The following ITGB8 variants were observed in gnomAD, a reference collection of about 807,000 sequenced individuals.
ITGB8 encodes integrin subunit beta 8.
In ITGB8, 30 loss-of-function variants were observed where a neutral mutation model predicts 89.5. That is an observed-to-expected ratio of 0.34 (90% CI 0.25 to 0.45). The LOEUF (loss-of-function observed/expected upper bound fraction) is 0.45. Among genes scored for constraint, ITGB8 ranks in the 20% least tolerant of loss-of-function variants. The pLI is 1.00. For synonymous variants in ITGB8, 335 were observed against 320.4 expected (o/e 1.05, Z -0.49); for missense variants, 836 against 933.3 (o/e 0.90, Z 1.36).
At chr7:20,407,558 A>T (rs932126847) in intron 12 of ITGB8, among the ~76,000 whole-genome samples, 1 of 152,164 alleles carries the variant, frequency 6.6e-6, no homozygotes, top group East Asian at 1.9e-4. Context: ...ACAAAAGAGT[A>T]AACTTTCTCC....
In ITGB8 at chr7:20,346,687, T is replaced by C. The variant is rs960959523; in HGVS notation, c.127+14754T>C. On this transcript the variant is annotated intron_variant, in intron 1 of 13. Transcript: ENST00000222573. ...TTCCTGCCAAAAGCAACGTGGACTT[T>C]CTCTGGGTGTCTTAAGACACTCTTG... is the stretch of plus-strand genomic sequence containing the variant. 8 of 985,284 alleles carry C rather than the reference T, an allele frequency of 8.1e-6. No individual in the cohort carries two copies. The African/African-American group carries it at 1.4e-4, about 17-fold the overall frequency. 61.0% of individuals were successfully genotyped at this position (985,284 alleles called of 1,614,324 possible). A position where few individuals can be genotyped will look rare whatever the true frequency, so the allele number is the denominator to read the frequency against.
At position 20,413,289 on chromosome 7, in the gene ITGB8, T is replaced by C. The variant is rs1787827132; in HGVS notation, c.*3292T>C. ...ACAGTAGATATCTCTGGAGGCAATT[T>C]TCCAAAACTCAACATTAAAATTTGT... is the stretch of plus-strand genomic sequence containing the variant. On this transcript the variant is annotated 3_prime_UTR_variant, in exon 14 of 14. Coordinates refer to ENST00000222573, the MANE Select transcript of ITGB8 (RefSeq NM_002214.3). 1 of 152,546 alleles carries C rather than the reference T, an allele frequency of 6.6e-6. No individual in the cohort carries two copies. The highest frequency in any genetic ancestry group is 1.5e-5 in the Non-Finnish European group (1 of 67,972). The allele number at this position is 152,546 out of a possible 1,614,324, so 9.4% of individuals were successfully genotyped here. A position where few individuals can be genotyped will look rare whatever the true frequency, so the allele number is the denominator to read the frequency against.
chr7:20,402,713 G>A (rs1787366356), intron 10 of ITGB8, among the ~76,000 whole-genome samples: 1 of 152,094 alleles, frequency 6.6e-6, no homozygotes, highest in Non-Finnish European at 1.5e-5. Flanking sequence ...GCCTTACTAA[G>A]TAATCTAAAA....
chr7:20,381,167 C>CTTT (rs35466081), intron 5 of ITGB8: 3 of 159,828 alleles, frequency 1.9e-5, no homozygotes, highest in South Asian at 1.8e-4. Flanking sequence ...TGTTCTCCTA[C>CTTT]TTTTTTTTTT....
intron 3 of ITGB8, among the ~76,000 whole-genome samples, chr7:20,368,367 G>A (rs773354442): frequency 4.6e-5 from 7 of 152,080 alleles, no homozygotes; most frequent in South Asian, 2.1e-4. Context: ...AAAATTGTAC[G>A]TTCTCGTACA....
chr7:20,379,057 A>G lies in ITGB8; in HGVS notation c.395A>G (p.Glu132Gly). The change falls in exon 4 of 14, where the codon GAA becomes GGA. Residue 132 changes from glutamate to glycine, a missense_variant. Coordinates refer to ENST00000222573, the MANE Select transcript of ITGB8 (RefSeq NM_002214.3). ...EVSIQLRPGA[E>G]ANFMLKVHPL... ...TTTTCTTCTATTGAACTAGGAGCCGAAGCTAATTTTATGCTGAAAGTTCAT... is the reference window on the plus strand; with the variant it reads ...TTTTCTTCTATTGAACTAGGAGCCGGAGCTAATTTTATGCTGAAAGTTCAT... The G allele has an allele frequency of 6.3e-7, 1 of 1,584,352 alleles. No homozygotes were observed. Among genetic ancestry groups the G allele is most frequent in the Non-Finnish European group, 8.6e-7 (1 of 1,166,542 alleles).
intron 3 of ITGB8, among the ~76,000 whole-genome samples, chr7:20,369,558 C>A (rs750623185): frequency 6.6e-6 from 1 of 152,192 alleles, no homozygotes; most frequent in Non-Finnish European, 1.5e-5. Context: ...CTAATCATAT[C>A]TCTCAGAGAC....
intron 1 of ITGB8, among the ~76,000 whole-genome samples, chr7:20,333,562 CTATT>C (rs552236799): frequency 4.3e-4 from 65 of 152,204 alleles, no homozygotes; most frequent in African/African-American, 1.5e-3. Flanking sequence ...CTAAAATTTA[CTATT>C]TAAAGTACAT....
intron 10 of ITGB8, among the ~76,000 whole-genome samples, chr7:20,402,840 G>T (rs752474): frequency 6.6e-6 from 1 of 151,914 alleles, no homozygotes; most frequent in Admixed American, 6.5e-5. Context: ...TTAGATTCCA[G>T]AAAATCTAAT....
chr7:20,384,738 C>T (rs1159813944), intron 6 of ITGB8, among the ~76,000 whole-genome samples: 1 of 152,168 alleles, frequency 6.6e-6, no homozygotes, highest in Non-Finnish European at 1.5e-5. Flanking sequence ...TTCTTGTTGT[C>T]ATTTCTTGTC....
chr7:20,400,009 A>G (rs1787243952), intron 9 of ITGB8, among the ~76,000 whole-genome samples: 1 of 152,188 alleles, frequency 6.6e-6, no homozygotes, highest in African/African-American at 2.4e-5. Context: ...TTCTTCTATG[A>G]TCACTCCGTG....
intron 1 of ITGB8, among the ~76,000 whole-genome samples, chr7:20,345,150 T>G (rs1784880635): frequency 6.6e-6 from 1 of 152,156 alleles, no homozygotes; most frequent in Non-Finnish European, 1.5e-5. Context: ...TCCCAGGGCC[T>G]CAGGGAGGGA....
chr7:20,351,042 T>C (rs1404528827), intron 1 of ITGB8, among the ~76,000 whole-genome samples: 1 of 152,196 alleles, frequency 6.6e-6, no homozygotes, highest in East Asian at 1.9e-4. Context: ...GGAGAGTCTC[T>C]GACTCCAAGG....
intron 10 of ITGB8, 150 bp downstream of exon 10, chr7:20,402,276 G>A (rs1435491889): frequency 4.8e-6 from 3 of 626,978 alleles, no homozygotes; most frequent in African/African-American, 3.7e-5. Context: ...TTAGGGCATG[G>A]CAACAGATTT....
chr7:20,397,378 C>A (rs370607790), intron 8 of ITGB8, among the ~76,000 whole-genome samples: 3 of 152,130 alleles, frequency 2.0e-5, no homozygotes, highest in African/African-American at 7.2e-5. Context: ...AGGCGTATCA[C>A]GCACACCCGG....
At chr7:20,385,859 T>C (rs1192229430) in intron 6 of ITGB8, among the ~76,000 whole-genome samples, 2 of 152,200 alleles carry the variant, frequency 1.3e-5, no homozygotes, top group African/African-American at 4.8e-5. Flanking sequence ...GAAAGGGATA[T>C]TTCTGACATT....
chr7:20,352,675 T>C (rs1189704407), intron 1 of ITGB8: 8 of 152,170 alleles, frequency 5.3e-5, no homozygotes, highest in Non-Finnish European at 1.0e-4. Context: ...TGGTGTTCTC[T>C]TTCTCCTTTC....
intron 1 of ITGB8, among the ~76,000 whole-genome samples, chr7:20,348,905 A>G (rs1394022010): frequency 6.6e-6 from 1 of 152,206 alleles, no homozygotes; most frequent in Non-Finnish European, 1.5e-5. Flanking sequence ...GATGAAGGAG[A>G]AACAGTAGCT....
At chr7:20,350,706 G>A (rs1379300021) in intron 1 of ITGB8, among the ~76,000 whole-genome samples, 2 of 152,212 alleles carry the variant, frequency 1.3e-5, no homozygotes, top group Non-Finnish European at 2.9e-5. Flanking sequence ...CAGCGAATAG[G>A]CAGGGTTAGG....
Sources: gnomAD v4.1 joint callset for allele counts (sites outside exome capture counted in the v4.1 genomes callset) on GRCh38, gnomAD v4.1.1 for gene constraint, MANE v1.5 for transcripts, NCBI Gene and HGNC (gene_info 2026-07-23, HGNC 2026-07-21) for gene names.